The following RHOU variants were observed in gnomAD, a reference collection of about 807,000 sequenced individuals.
The protein encoded by RHOU is ras homolog family member U.
In RHOU, 8 loss-of-function variants were observed where a neutral mutation model predicts 12.6. The ratio of observed to expected loss-of-function variants is 0.64; its 90% CI spans 0.37 to 1.15. RHOU has a LOEUF of 1.15. Ranked by LOEUF, RHOU falls within the 50% of genes most tolerant of loss-of-function variation. The pLI, the probability that RHOU is intolerant of heterozygous loss-of-function variation, is 0.01. For missense variants in RHOU, 258 were observed against 347.0 expected (o/e 0.74, Z 2.04); for synonymous variants, 161 against 147.4 (o/e 1.09, Z -0.67).
At chr1:228,690,435 C>T in the RHOU span, among the ~76,000 whole-genome samples, 1 of 150,286 alleles carries the variant, frequency 6.7e-6, no homozygotes, top group Non-Finnish European at 1.5e-5. Context: ...AAGCAATTCT[C>T]CTGCCTCAGC....
chr1:228,650,658 C>A, the RHOU span: 1 of 476,866 alleles, frequency 2.1e-6, no homozygotes, highest in Non-Finnish European at 4.1e-6. Flanking sequence ...ATGTAAAACT[C>A]GTTTCACTCG....
At chr1:228,648,275 C>T in the RHOU span, among the ~76,000 whole-genome samples, 3 of 152,358 alleles carry the variant, frequency 2.0e-5, no homozygotes, top group East Asian at 5.8e-4. Flanking sequence ...TGGACCTCCG[C>T]GGCGCCACCC....
At position 228,735,732 on chromosome 1, in the gene RHOU, C is replaced by T; in HGVS notation, c.-11C>T. ...GCTAGCCCGCGACCGCAAGCCCGCG[C>T]TCGCGGATCGATGCCCCCGCAGCAG... On this transcript the variant is annotated 5_prime_UTR_variant, in exon 1 of 3. Transcript: ENST00000366691. The surrounding 1 kb of genome is among the most constrained non-coding windows in gnomAD (Gnocchi z 8.1). 1 of 1,203,722 alleles carries T rather than the reference C, an allele frequency of 8.3e-7. No individual in the cohort carries two copies. The highest frequency in any genetic ancestry group is 1.0e-6 in the Non-Finnish European group (1 of 970,152). 74.6% of individuals were successfully genotyped at this position (1,203,722 alleles called of 1,614,324 possible). A position where few individuals can be genotyped will look rare whatever the true frequency, so the allele number is the denominator to read the frequency against.
the RHOU span, among the ~76,000 whole-genome samples, chr1:228,669,832 A>T: frequency 1.3e-5 from 2 of 152,220 alleles, no homozygotes; most frequent in African/African-American, 2.4e-5. Context: ...TCTCAAAGTC[A>T]TAGTGATGCT....
the RHOU span, among the ~76,000 whole-genome samples, chr1:228,692,278 C>T: frequency 6.6e-6 from 1 of 152,176 alleles, no homozygotes. Flanking sequence ...TGTATACATT[C>T]TTCTAAAATA....
the RHOU span, among the ~76,000 whole-genome samples, chr1:228,654,296 G>A: frequency 6.6e-6 from 1 of 152,166 alleles, no homozygotes; most frequent in Non-Finnish European, 1.5e-5. Context: ...TTTTATAGAT[G>A]ATGTGTCTCT....
In RHOU at chr1:228,738,617, T is replaced by G. The variant is rs1662661413; in HGVS notation, c.321+886T>G. 1.3e-5 allele frequency among the ~76,000 whole-genome samples: 2 copies of G among 152,192 alleles called. No homozygotes were observed. The highest frequency in any genetic ancestry group is 2.9e-5 in the Non-Finnish European group (2 of 68,020). The stretch of plus-strand genomic sequence containing the variant: ...GTTTATGAAGGCACTGGCTTTCCAC[T>G]GCCCCCCAGAGCCTCATCTACGCCA... On this transcript the variant is annotated intron_variant, in intron 2 of 2. Coordinates refer to ENST00000366691, the MANE Select transcript of RHOU (RefSeq NM_021205.6). This position sits in a 1 kb window ranked among gnomAD's most constrained non-coding sequence, Gnocchi z 4.2.
At chr1:228,731,883 C>T (rs904016161), upstream of RHOU, among the ~76,000 whole-genome samples, 1 of 151,962 alleles carries the variant, frequency 6.6e-6, no homozygotes, top group African/African-American at 2.4e-5. Flanking sequence ...ATTTTCTAGG[C>T]CCACTGCACA....
At chr1:228,736,465 A>G (rs1454258154) in intron 1 of RHOU, among the ~76,000 whole-genome samples, 3 of 152,060 alleles carry the variant, frequency 2.0e-5, no homozygotes, top group Non-Finnish European at 2.9e-5. Flanking sequence ...TAGGCGGCTC[A>G]GCTCACAAGG....
chr1:228,732,013 A>C (rs1351962295), upstream of RHOU, among the ~76,000 whole-genome samples: 1 of 152,224 alleles, frequency 6.6e-6, no homozygotes, highest in Admixed American at 6.5e-5. Context: ...GAAGTGGTCA[A>C]ATTTCCTTCA....
At chr1:228,700,184 T>G in the RHOU span, among the ~76,000 whole-genome samples, 8 of 152,230 alleles carry the variant, frequency 5.3e-5, no homozygotes, top group African/African-American at 1.9e-4. Flanking sequence ...GAATTTTGTT[T>G]CTCTAATTTA....
At chr1:228,671,755 T>C in the RHOU span, among the ~76,000 whole-genome samples, 1 of 148,310 alleles carries the variant, frequency 6.7e-6, no homozygotes, top group Non-Finnish European at 1.5e-5. Context: ...GTGAAAAGGA[T>C]TGATGGAAAT....
chr1:228,675,046 A>G, the RHOU span, among the ~76,000 whole-genome samples: 1 of 152,160 alleles, frequency 6.6e-6, no homozygotes, highest in Admixed American at 6.6e-5. Flanking sequence ...TTATATTCTA[A>G]GAACCTTTAT....
chr1:228,720,542 G>C, the RHOU span, among the ~76,000 whole-genome samples: 3 of 152,246 alleles, frequency 2.0e-5, no homozygotes, highest in East Asian at 5.8e-4. Flanking sequence ...ATGAGAAGAG[G>C]AAACTAGCAC....
chr1:228,711,223 G>A, the RHOU span, among the ~76,000 whole-genome samples: 1 of 151,714 alleles, frequency 6.6e-6, no homozygotes, highest in African/African-American at 2.4e-5. Context: ...CGTGAAAATG[G>A]CCATACTGCC....
At chr1:228,660,966 G>T in the RHOU span, among the ~76,000 whole-genome samples, 1 of 149,682 alleles carries the variant, frequency 6.7e-6, no homozygotes, top group East Asian at 2.0e-4. Context: ...TCCTTAAGCT[G>T]ATAAGCAACT....
At chr1:228,664,812 T>C in the RHOU span, among the ~76,000 whole-genome samples, 1 of 152,140 alleles carries the variant, frequency 6.6e-6, no homozygotes, top group African/African-American at 2.4e-5. Flanking sequence ...TTTTTGTATT[T>C]TGGTAGAGAT....
Position 228,743,225 on chromosome 1 carries a change from A to G in RHOU, c.322-60A>G. ...CCCTTTCATGAAAAATGTGAAGGTG[A>G]TCTTTTTACTGATGAGAATTCATGA... On this transcript the variant is annotated intron_variant, in intron 2 of 2. Transcript: ENST00000366691. The surrounding 1 kb of genome is among the most constrained non-coding windows in gnomAD (Gnocchi z 5.1). 4 of 1,458,468 alleles carry G rather than the reference A, an allele frequency of 2.7e-6. No individual in the cohort carries two copies. The highest frequency in any genetic ancestry group is 2.9e-6 in the Non-Finnish European group (3 of 1,046,670). The allele number at this position is 1,458,468 out of a possible 1,614,324, so 90.3% of individuals were successfully genotyped here.
At chr1:228,695,508 A>G in the RHOU span, among the ~76,000 whole-genome samples, 10 of 152,052 alleles carry the variant, frequency 6.6e-5, no homozygotes, top group Non-Finnish European at 1.2e-4. Context: ...CCCACTTTCA[A>G]TGTCAACCAC....
Sources: allele counts gnomAD v4.1 joint callset (sites outside exome capture counted in the v4.1 genomes callset), GRCh38; gene constraint gnomAD v4.1.1; non-coding constraint Gnocchi (gnomAD v3.1); transcripts MANE v1.5; gene names NCBI Gene and HGNC (gene_info 2026-07-23, HGNC 2026-07-21).